RBFOX1: variants seen among roughly 807,000 people sequenced by gnomAD.
RBFOX1 encodes RNA binding fox-1 homolog 1, also known as RNA binding protein fox-1 homolog 1.
In RBFOX1, 8 loss-of-function variants were observed where a neutral mutation model predicts 57.7. The ratio of observed to expected loss-of-function variants is 0.14; its 90% CI spans 0.08 to 0.25. The LOEUF is 0.25. Among genes scored for constraint, RBFOX1 ranks in the 10% least tolerant of loss-of-function variants. The pLI, the probability that RBFOX1 is intolerant of heterozygous loss-of-function variation, is 1.00. For synonymous variants in RBFOX1, 326 were observed against 222.4 expected, an observed-to-expected ratio of 1.47 and a Z score of -4.15; for missense variants, 611 against 548.5, an observed-to-expected ratio of 1.11 and a Z score of -1.14.
intron 3 of RBFOX1, among the ~76,000 whole-genome samples, chr16:6,801,123 G>A (rs570030839): frequency 2.0e-5 from 3 of 150,414 alleles, no homozygotes; most frequent in African/African-American, 7.3e-5. Flanking sequence ...GACCTATTAA[G>A]CATTTCTGAT....
At chr16:7,580,042 TAGAGCCTAGTCTGCAGGTA>T in intron 6 of RBFOX1, 122 bp downstream of exon 6, 1 of 1,063,578 alleles carries the variant, frequency 9.4e-7, no homozygotes, top group Non-Finnish European at 1.4e-6. Context: ...AGAAACAATT[TAGAGCCTAGTCTGCAGGTA>T]TATTGTGGCT....
At chr16:6,306,757 T>C (rs1479099751) in intron 1 of RBFOX1, among the ~76,000 whole-genome samples, 3 of 152,184 alleles carry the variant, frequency 2.0e-5, no homozygotes, top group Admixed American at 6.5e-5. Flanking sequence ...TCATTGAACC[T>C]AAAAGAATCT....
intron 14 of RBFOX1, among the ~76,000 whole-genome samples, chr16:7,705,543 G>A (rs915949534): frequency 2.0e-5 from 3 of 152,150 alleles, no homozygotes; most frequent in African/African-American, 7.2e-5. Context: ...TGTGCCTGGA[G>A]CACAGTAACC....
intron 3 of RBFOX1, among the ~76,000 whole-genome samples, chr16:6,867,849 C>T (rs1394063731): frequency 6.6e-6 from 1 of 152,178 alleles, no homozygotes; most frequent in East Asian, 1.9e-4. Flanking sequence ...CCCCTTTCTG[C>T]TGACAGGTGT....
At chr16:5,690,551 G>C (rs2050643421) in intron 3 of RBFOX1, among the ~76,000 whole-genome samples, 1 of 142,568 alleles carries the variant, frequency 7.0e-6, no homozygotes, top group Admixed American at 7.1e-5. Flanking sequence ...CTTCTGTTGT[G>C]GCCAGTCTGC....
intron 1 of RBFOX1, among the ~76,000 whole-genome samples, chr16:5,390,946 G>T (rs2066392041): frequency 6.6e-6 from 1 of 152,188 alleles, no homozygotes; most frequent in Admixed American, 6.5e-5. Context: ...GCGTTTGGGG[G>T]CCTTATTAAG....
rs2063204908 is a variant in RBFOX1, at chr16:5,278,908, G to C, written c.219+38803G>C. Among the ~76,000 whole-genome samples the C allele has an allele frequency of 2.0e-5, 3 of 151,600 alleles. No individual in the cohort carries two copies. In the South Asian group the frequency reaches 6.2e-4, roughly 31 times the overall value. On this transcript the variant is annotated intron_variant, in intron 1 of 2. Coordinates refer to the RBFOX1 transcript ENST00000585867. ...AAAATCAGTTAGCTGTAAATACGTG[G>C]ATTCATTTCTGGGTTCTTTGGTCTG... is the stretch of plus-strand genomic sequence containing the variant.
At chr16:7,199,467 G>C (rs181607317) in intron 4 of RBFOX1, among the ~76,000 whole-genome samples, 1 of 152,276 alleles carries the variant, frequency 6.6e-6, no homozygotes, top group East Asian at 1.9e-4. Context: ...TTCAGGCAGC[G>C]TACGCCTGAA....
At chr16:7,269,870 C>A (rs1219258499) in intron 4 of RBFOX1, among the ~76,000 whole-genome samples, 2 of 152,278 alleles carry the variant, frequency 1.3e-5, no homozygotes, top group Non-Finnish European at 2.9e-5. Flanking sequence ...CTGCACATCC[C>A]ATAACCATAG....
At chr16:6,182,745 A>G (rs1045545741) in intron 1 of RBFOX1, among the ~76,000 whole-genome samples, 3 of 152,230 alleles carry the variant, frequency 2.0e-5, no homozygotes, top group African/African-American at 7.2e-5. Flanking sequence ...GTAGTTAAAT[A>G]GGGTACCTCT....
chr16:6,576,560 C>G (rs550087259), intron 2 of RBFOX1, among the ~76,000 whole-genome samples: 67 of 152,218 alleles, frequency 4.4e-4, no homozygotes, highest in Admixed American at 4.1e-3. Flanking sequence ...TATTTTCTTT[C>G]TTAGGTATGT....
intron 2 of RBFOX1, among the ~76,000 whole-genome samples, chr16:6,389,147 T>C (rs1198660701): frequency 6.6e-6 from 1 of 152,168 alleles, no homozygotes; most frequent in Non-Finnish European, 1.5e-5. Context: ...TACGTTCAGT[T>C]CATGAGGAGG....
At chr16:6,013,385 C>A (rs748034356) in intron 4 of RBFOX1, among the ~76,000 whole-genome samples, 1 of 152,132 alleles carries the variant, frequency 6.6e-6, no homozygotes, top group Non-Finnish European at 1.5e-5. Flanking sequence ...TTTATATAGG[C>A]AGGCTCCCAT....
At position 7,308,636 on chromosome 16, in the gene RBFOX1, A is replaced by G. The variant is rs960180287; in HGVS notation, c.28-209511A>G. Among the ~76,000 whole-genome samples the G allele has an allele frequency of 2.6e-5, 4 of 152,210 alleles. No homozygotes were observed. In the South Asian group the frequency reaches 6.2e-4, roughly 24 times the overall value. ...TACAAAGGGTAATTCCCAGTAAATG[A>G]AGCCATTGCTCACTGTGGACATCTT... On this transcript the variant is annotated intron_variant, in intron 4 of 15. Transcript: ENST00000550418.
chr16:7,636,223 G>A (rs568309008), intron 11 of RBFOX1, among the ~76,000 whole-genome samples: 2 of 152,296 alleles, frequency 1.3e-5, no homozygotes, highest in African/African-American at 4.8e-5. Context: ...TGGAACTGTT[G>A]GTTCCCTTCC....
At chr16:7,073,704 CA>C (rs959752852) in intron 4 of RBFOX1, among the ~76,000 whole-genome samples, 24 of 151,076 alleles carry the variant, frequency 1.6e-4, no homozygotes, top group South Asian at 8.4e-4. Flanking sequence ...AAAATATATA[CA>C]AAAAAAAATT....
chr16:5,979,732 T>A (rs1346955337), intron 4 of RBFOX1, among the ~76,000 whole-genome samples: 1 of 152,126 alleles, frequency 6.6e-6, no homozygotes, highest in Non-Finnish European at 1.5e-5. Context: ...TGTGGTGGTG[T>A]GCACCTGTAG....
intron 1 of RBFOX1, among the ~76,000 whole-genome samples, chr16:6,221,376 C>T (rs1181581932): frequency 2.0e-5 from 3 of 152,152 alleles, no homozygotes; most frequent in Non-Finnish European, 4.4e-5. Context: ...CTGGGTTCAT[C>T]TTCCTAATAG....
intron 4 of RBFOX1, among the ~76,000 whole-genome samples, chr16:7,209,386 A>G (rs770172839): frequency 6.6e-6 from 1 of 152,182 alleles, no homozygotes; most frequent in African/African-American, 2.4e-5. Flanking sequence ...GACACCAGTT[A>G]GATTAGATTA....
Sources: allele counts gnomAD v4.1 joint callset (sites outside exome capture counted in the v4.1 genomes callset), GRCh38; gene constraint gnomAD v4.1.1; transcripts MANE v1.5; gene names NCBI Gene and HGNC (gene_info 2026-07-23, HGNC 2026-07-21).